PELI2: variants seen among roughly 807,000 people sequenced by gnomAD.
PELI2 encodes the protein pellino E3 ubiquitin protein ligase family member 2.
PELI2 carries 23 observed loss-of-function variants against 42.3 expected under a neutral mutation model. The observed-to-expected ratio is 0.54, with a 90% CI of 0.39 to 0.77. The LOEUF (loss-of-function observed/expected upper bound fraction) is 0.77. Ranked by LOEUF, PELI2 falls within the 30% of genes least tolerant of loss-of-function variation. The pLI, the probability that PELI2 is intolerant of heterozygous loss-of-function variation, is 0.00. For missense variants in PELI2, 463 were observed against 553.2 expected, an observed-to-expected ratio of 0.84 and a Z score of 1.64; for synonymous variants, 245 against 212.2, an observed-to-expected ratio of 1.15 and a Z score of -1.34.
rs1440601970 is a variant in PELI2, at chr14:56,299,231, G to C, written c.*2065G>C. ...AGAAAAAAAGATATTTTTCCAGAGAGTTAGGTATATCATAATTTTCCATTT... is the reference window on the plus strand; with the variant it reads ...AGAAAAAAAGATATTTTTCCAGAGACTTAGGTATATCATAATTTTCCATTT... On this transcript the variant is annotated 3_prime_UTR_variant, in exon 6 of 6. Coordinates refer to ENST00000267460, the MANE Select transcript of PELI2 (RefSeq NM_021255.3). 6.6e-6 allele frequency: 1 copy of C among 152,174 alleles called. No individual in the cohort carries two copies. Among genetic ancestry groups the C allele is most frequent in the Non-Finnish European group, 1.5e-5 (1 of 68,034 alleles). 9.4% of individuals were successfully genotyped at this position (152,174 alleles called of 1,614,324 possible). A position where few individuals can be genotyped will look rare whatever the true frequency, so the allele number is the denominator to read the frequency against.
chr14:56,178,990 T>G (rs933706303), intron 2 of PELI2, among the ~76,000 whole-genome samples: 6 of 152,150 alleles, frequency 3.9e-5, no homozygotes, highest in Admixed American at 1.3e-4. Context: ...CATAGAAGGA[T>G]GAAAAGTATA....
rs1890066312 is a variant in PELI2 at position 56,297,922 on chromosome 14, A to G, written c.*756A>G. 6.6e-6 allele frequency: 1 copy of G among 152,112 alleles called. No individual in the cohort carries two copies. Among genetic ancestry groups the G allele is most frequent in the Non-Finnish European group, 1.5e-5 (1 of 68,028 alleles). 9.4% of individuals were successfully genotyped at this position (152,112 alleles called of 1,614,324 possible). On this transcript the variant is annotated 3_prime_UTR_variant, in exon 6 of 6. Coordinates refer to ENST00000267460, the MANE Select transcript of PELI2 (RefSeq NM_021255.3). Reference sequence around the variant, plus strand: ...CCGATACTCATCTTGCACGGCCAGAACTGTTTGGTTGATTAAAATACATCA... The same window carrying G: ...CCGATACTCATCTTGCACGGCCAGAGCTGTTTGGTTGATTAAAATACATCA...
At chr14:56,142,837 TTTA>T (rs1406801828) in intron 1 of PELI2, among the ~76,000 whole-genome samples, 3 of 152,164 alleles carry the variant, frequency 2.0e-5, no homozygotes, top group Non-Finnish European at 2.9e-5. Flanking sequence ...TTTAGATCTT[TTTA>T]AACTACAGCT....
chr14:56,289,065 C>T (rs1451262936), intron 4 of PELI2, among the ~76,000 whole-genome samples: 1 of 152,140 alleles, frequency 6.6e-6, no homozygotes, highest in African/African-American at 2.4e-5. Flanking sequence ...TTACAGAGAA[C>T]AACACAGACT....
At chr14:56,286,965 A>G (rs1889666249) in intron 3 of PELI2, among the ~76,000 whole-genome samples, 1 of 152,222 alleles carries the variant, frequency 6.6e-6, no homozygotes, top group Non-Finnish European at 1.5e-5. Flanking sequence ...GTCAATTTCA[A>G]TTACTTCATC....
chr14:56,194,740 CAG>C (rs2139694576), intron 2 of PELI2, among the ~76,000 whole-genome samples: 1 of 152,332 alleles, frequency 6.6e-6, no homozygotes, highest in South Asian at 2.1e-4. Flanking sequence ...GCCCCACGTC[CAG>C]AGACTGGCAC....
chr14:56,195,882 T>C (rs1175338412), intron 2 of PELI2, among the ~76,000 whole-genome samples: 1 of 152,170 alleles, frequency 6.6e-6, no homozygotes, highest in African/African-American at 2.4e-5. Flanking sequence ...GCAGGTGTGG[T>C]TTCAGGCAGC....
rs116678190 is a variant in PELI2, at chr14:56,215,167, A to G, written c.207+36703A>G. ...AGAGATAACATCAGAATAGATTTCT[A>G]TCAGCCTTATTTGAGACTCAGCAAT... On this transcript the variant is annotated intron_variant, in intron 2 of 5. Coordinates refer to ENST00000267460, the MANE Select transcript of PELI2 (RefSeq NM_021255.3). Among the ~76,000 whole-genome samples the G allele has an allele frequency of 7.5e-3, 1,149 of 152,356 alleles. 12 individuals are homozygous for G. Among genetic ancestry groups the G allele is most frequent in the African/African-American group, 0.026 (1,093 of 41,582 alleles).
At chr14:56,167,390 A>G (rs537476493) in intron 1 of PELI2, among the ~76,000 whole-genome samples, 17 of 152,080 alleles carry the variant, frequency 1.1e-4, no homozygotes, top group African/African-American at 3.6e-4. Flanking sequence ...TCTCCTCTGT[A>G]TATTTTCAAA....
chr14:56,204,875 C>T lies in PELI2; in HGVS notation c.207+26411C>T, dbSNP rs144705369. Among the ~76,000 whole-genome samples the T allele has an allele frequency of 6.2e-3, 935 of 151,608 alleles. 11 individuals are homozygous for T. The highest frequency in any genetic ancestry group is 0.022 in the African/African-American group (899 of 41,368). ...TGAAACCCTGTCTCTACTAAAAATACAAAAAAGTAGCCAGGCGTGGTGGCA... is the reference window on the plus strand; with the variant it reads ...TGAAACCCTGTCTCTACTAAAAATATAAAAAAGTAGCCAGGCGTGGTGGCA... On this transcript the variant is annotated intron_variant, in intron 2 of 5. Transcript: ENST00000267460.
chr14:56,215,536 A>G (rs950170284), intron 2 of PELI2, among the ~76,000 whole-genome samples: 6 of 152,246 alleles, frequency 3.9e-5, no homozygotes, highest in African/African-American at 1.4e-4. Flanking sequence ...TTCATGAACC[A>G]AGACTAAAAG....
At chr14:56,150,470 A>T (rs941794148) in intron 1 of PELI2, among the ~76,000 whole-genome samples, 14 of 150,384 alleles carry the variant, frequency 9.3e-5, no homozygotes, top group Non-Finnish European at 1.9e-4. Flanking sequence ...AAGATAAGTG[A>T]TTTTTTTTTT....
intron 2 of PELI2, among the ~76,000 whole-genome samples, chr14:56,202,887 C>G (rs1886383648): frequency 2.0e-5 from 3 of 151,774 alleles, no homozygotes; most frequent in Admixed American, 2.0e-4. Flanking sequence ...TAACGAAAGA[C>G]CAAAATTAAA....
intron 1 of PELI2, among the ~76,000 whole-genome samples, chr14:56,145,675 A>T (rs1279086441): frequency 6.6e-6 from 1 of 152,232 alleles, no homozygotes; most frequent in African/African-American, 2.4e-5. Context: ...TAGCAGCAGA[A>T]TGCAAACTAT....
At position 56,122,145 on chromosome 14, in the gene PELI2, G is replaced by A. The variant is rs373264096; in HGVS notation, c.77+3408G>A. 1.8e-4 allele frequency among the ~76,000 whole-genome samples: 28 copies of A among 152,238 alleles called. No individual in the cohort carries two copies. The South Asian group carries it at 5.6e-3, about 30-fold the overall frequency. On this transcript the variant is annotated intron_variant, in intron 1 of 5. Coordinates refer to ENST00000267460, the MANE Select transcript of PELI2 (RefSeq NM_021255.3). The stretch of plus-strand genomic sequence containing the variant: ...AAAATTTAGAACTGAATAGCATTAG[G>A]GGAAATTCCTAATGTAGATGATGGG...
intron 2 of PELI2, among the ~76,000 whole-genome samples, chr14:56,231,727 G>A (rs146322598): frequency 0.011 from 1,728 of 152,106 alleles, 26 homozygotes; most frequent in African/African-American, 0.04. Flanking sequence ...ACACATTCAA[G>A]AGCTAGCAGA....
intron 1 of PELI2, among the ~76,000 whole-genome samples, chr14:56,162,118 C>T (rs934033618): frequency 6.6e-6 from 1 of 152,186 alleles, no homozygotes; most frequent in African/African-American, 2.4e-5. Context: ...GAGTTACACA[C>T]AATCCGATTA....
Position 56,184,178 on chromosome 14 carries a change from A to ATT in PELI2, c.207+5720_207+5721dup, listed in dbSNP as rs200006555. On this transcript the variant is annotated intron_variant, in intron 2 of 5. Transcript: ENST00000267460. ...ACATTGTTAAAATAGCATTTGGACA[A>ATT]TTTTTTTAGCAGTTTGGCTCTATTA... 6.4e-3 allele frequency among the ~76,000 whole-genome samples: 976 copies of ATT among 152,146 alleles called. 14 individuals carry two copies. Among genetic ancestry groups the ATT allele is most frequent in the African/African-American group, 0.022 (934 of 41,544 alleles).
intron 2 of PELI2, among the ~76,000 whole-genome samples, chr14:56,210,968 T>C (rs1886693995): frequency 6.6e-6 from 1 of 152,202 alleles, no homozygotes; most frequent in African/African-American, 2.4e-5. Context: ...TGGTAGGTAT[T>C]GCTCCCACCC....
Sources: gnomAD v4.1 joint callset for allele counts (sites outside exome capture counted in the v4.1 genomes callset) on GRCh38, gnomAD v4.1.1 for gene constraint, MANE v1.5 for transcripts, NCBI Gene and HGNC (gene_info 2026-07-23, HGNC 2026-07-21) for gene names.